Variants in C8A observed in about 807,000 individuals in gnomAD.
C8A encodes the protein complement C8 alpha chain.
In C8A, 67 loss-of-function variants were observed where a neutral mutation model predicts 65.3. The ratio of observed to expected loss-of-function variants is 1.03; its 90% CI spans 0.84 to 1.26. C8A has a LOEUF of 1.26. Ranked by LOEUF, C8A falls within the 50% of genes most tolerant of loss-of-function variation. The pLI is 0.00. For missense variants in C8A, 781 were observed against 723.9 expected, an observed-to-expected ratio of 1.08 and a Z score of -0.90; for synonymous variants, 290 against 259.4, an observed-to-expected ratio of 1.12 and a Z score of -1.13.
chr1:56,912,378 C>T (rs768825236), intron 9 of C8A, 25 bp from the exon 10 acceptor site: 13 of 1,605,928 alleles, frequency 8.1e-6, no homozygotes, highest in African/African-American at 4.0e-5. Context: ...CAGGGAGGGG[C>T]CCTGTGTTCT....
Position 56,907,999 on chromosome 1 carries a change from G to T in C8A, c.1266G>T (p.Arg422=). Residue 422 remains arginine (R), a synonymous_variant, in exon 9 of 11, where the codon CGG becomes CGT. Transcript: ENST00000361249. ...KAMAVEDIIS[R]VRGGSSGWSG... ...TGGCTGTGGAAGACATTATTTCTCG[G>T]GTGCGAGGTGGCAGTTCTGGCTGGA... is the stretch of plus-strand genomic sequence containing the variant. 2 of 1,614,160 alleles carry T rather than the reference G, an allele frequency of 1.2e-6. No individual in the cohort carries two copies. The highest frequency in any genetic ancestry group is 1.7e-6 in the Non-Finnish European group (2 of 1,180,012).
rs1643957181 is a variant in C8A, at chr1:56,854,820, C to A, written c.-82C>A. On this transcript the variant is annotated 5_prime_UTR_variant, in exon 1 of 11. In the 5' UTR this introduces an upstream ATG that the reference lacks. Coordinates refer to ENST00000361249, the MANE Select transcript of C8A (RefSeq NM_000562.3). ...TCAGATAGATCTTACAGGTCCCAGC[C>A]TGTAGACATCTTTTACTCCAATTTC... 2 of 1,173,348 alleles carry A rather than the reference C, an allele frequency of 1.7e-6. No individual in the cohort carries two copies. The highest frequency in any genetic ancestry group is 1.3e-5 in the South Asian group (1 of 77,290). The allele number at this position is 1,173,348 out of a possible 1,614,324, so 72.7% of individuals were successfully genotyped here. A position where few individuals can be genotyped will look rare whatever the true frequency, so the allele number is the denominator to read the frequency against.
chr1:56,859,719 G>A (rs1339415340), intron 1 of C8A, among the ~76,000 whole-genome samples: 2 of 152,000 alleles, frequency 1.3e-5, no homozygotes, highest in Admixed American at 1.3e-4. Flanking sequence ...AACACTCATA[G>A]GATTTACAGT....
chr1:56,876,312 T>A, intron 4 of C8A, 103 bp downstream of exon 4: 2 of 1,369,282 alleles, frequency 1.5e-6, no homozygotes, highest in Non-Finnish European at 2.1e-6. Flanking sequence ...AGGGTTCCTC[T>A]GGAGTGCATG....
At chr1:56,885,456 T>C (rs1570333668) in intron 6 of C8A, among the ~76,000 whole-genome samples, 1 of 95,318 alleles carries the variant, frequency 1.0e-5, no homozygotes, top group Non-Finnish European at 2.1e-5. Context: ...ATATATATAT[T>C]TCCGTAAATA....
At chr1:56,870,948 A>T (rs1312118841) in intron 2 of C8A, among the ~76,000 whole-genome samples, 1 of 152,148 alleles carries the variant, frequency 6.6e-6, no homozygotes, top group Non-Finnish European at 1.5e-5. Flanking sequence ...TGTCTTAATG[A>T]TCCCAACCAC....
At chr1:56,891,040 C>T (rs1325448881) in intron 7 of C8A, among the ~76,000 whole-genome samples, 5 of 151,776 alleles carry the variant, frequency 3.3e-5, no homozygotes, top group East Asian at 1.9e-4. Context: ...TATATAATCG[C>T]GAATTGTGAT....
chr1:56,885,380 T>A lies in C8A; in HGVS notation c.856-547T>A, dbSNP rs868832019. Among the ~76,000 whole-genome samples the A allele has an allele frequency of 6.6e-3, 623 of 94,564 alleles. 50 individuals carry two copies. The highest frequency in any genetic ancestry group is 0.026 in the East Asian group (59 of 2,292). 62.0% of individuals were successfully genotyped at this position (94,564 alleles called of 152,430 possible). A position where few individuals can be genotyped will look rare whatever the true frequency, so the allele number is the denominator to read the frequency against. On this transcript the variant is annotated intron_variant, in intron 6 of 10. Transcript: ENST00000361249. ...TATGTAAATATATATTTATATTTAT[T>A]TAAATATATATTTAAATAAATATAT... is the stretch of plus-strand genomic sequence containing the variant.
intron 7 of C8A, among the ~76,000 whole-genome samples, chr1:56,899,328 G>T (rs899424055): frequency 6.6e-6 from 1 of 152,134 alleles, no homozygotes; most frequent in African/African-American, 2.4e-5. Context: ...TCCCATAGGC[G>T]GTATAATATG....
chr1:56,872,514 T>C (rs1382800081), intron 2 of C8A, among the ~76,000 whole-genome samples: 1 of 151,872 alleles, frequency 6.6e-6, no homozygotes, highest in Non-Finnish European at 1.5e-5. Context: ...TCTATATGAG[T>C]TTAAAAGAAA....
At chr1:56,892,014 A>T (rs1644350154) in intron 7 of C8A, among the ~76,000 whole-genome samples, 1 of 152,082 alleles carries the variant, frequency 6.6e-6, no homozygotes, top group South Asian at 2.1e-4. Context: ...TGCACCACGA[A>T]TACTCATTGA....
At position 56,883,524 on chromosome 1, in the gene C8A, C is replaced by T. The variant is rs202001090; in HGVS notation, c.698C>T (p.Ala233Val). 9.3e-6 allele frequency: 15 copies of T among 1,613,608 alleles called. No individual in the cohort carries two copies. The highest frequency in any genetic ancestry group is 1.3e-5 in the Non-Finnish European group (15 of 1,179,854). Reference protein sequence around the residue: ...TGISSEFYDNANDLLSKVKKD... With the variant: ...TGISSEFYDNVNDLLSKVKKD... Reference sequence around the variant, plus strand: ...ATCTCCTCAGAGTTTTATGATAATGCAAATGACCTTCTTTCCAAAGTTAAA... The same window carrying T: ...ATCTCCTCAGAGTTTTATGATAATGTAAATGACCTTCTTTCCAAAGTTAAA... Residue 233 changes from alanine to valine, a missense_variant, in exon 6 of 11, where the codon GCA (alanine) becomes GTA (valine). Ala to Val is a moderately conservative substitution (Grantham distance 64, BLOSUM62 0). Coordinates refer to ENST00000361249, the MANE Select transcript of C8A (RefSeq NM_000562.3).
intron 9 of C8A, among the ~76,000 whole-genome samples, chr1:56,910,932 T>C (rs1644500424): frequency 6.6e-6 from 1 of 152,196 alleles, no homozygotes; most frequent in Admixed American, 6.5e-5. Flanking sequence ...TCACTTCCCC[T>C]TTGGGGGCCT....
chr1:56,901,395 TG>T (rs1213597384), intron 7 of C8A, among the ~76,000 whole-genome samples: 1 of 152,164 alleles, frequency 6.6e-6, no homozygotes, highest in African/African-American at 2.4e-5. Flanking sequence ...TCAAGCTGCC[TG>T]GTTCTGCCTG....
intron 1 of C8A, among the ~76,000 whole-genome samples, chr1:56,861,938 C>T (rs1474605680): frequency 6.6e-6 from 1 of 152,128 alleles, no homozygotes. Flanking sequence ...GCTGAAGAGG[C>T]CACATTCTGG....
Position 56,911,687 on chromosome 1 carries a change from T to G in C8A, c.1381-716T>G, listed in dbSNP as rs145932318. Among the ~76,000 whole-genome samples the G allele has an allele frequency of 8.4e-3, 1,275 of 152,326 alleles. 25 individuals carry two copies. Among genetic ancestry groups the G allele is most frequent in the African/African-American group, 0.029 (1,224 of 41,570 alleles). ...AATTATCCAACTTGATACGCAATAG[T>G]GCCGAAGTTGAAAAACCCTGAACTA... On this transcript the variant is annotated intron_variant, in intron 9 of 10. Transcript: ENST00000361249.
At position 56,912,469 on chromosome 1, in the gene C8A, C is replaced by G. The variant is rs759837668; in HGVS notation, c.1447C>G (p.Leu483Val). Residue 483 changes from leucine (L) to valine (V), a missense_variant, in exon 10 of 11, where the codon CTG becomes GTG. By Grantham distance (32) the Leu-to-Val change is conservative. Transcript: ENST00000361249. ...LGPLEAKRQN[L>V]RRALDQYLME... ...GCCTCTGGAGGCCAAGCGCCAGAACCTGCGCCGCGCCTTGGACCAGTATCT... is the reference window on the plus strand; with the variant it reads ...GCCTCTGGAGGCCAAGCGCCAGAACGTGCGCCGCGCCTTGGACCAGTATCT... The G allele has an allele frequency of 1.9e-6, 3 of 1,614,226 alleles. No individual in the cohort carries two copies. Among genetic ancestry groups the G allele is most frequent in the Non-Finnish European group, 2.5e-6 (3 of 1,180,026 alleles).
chr1:56,888,544 TATC>T (rs1295072991), intron 7 of C8A, among the ~76,000 whole-genome samples: 2 of 152,052 alleles, frequency 1.3e-5, no homozygotes, highest in Admixed American at 1.3e-4. Flanking sequence ...GAATAGAAAA[TATC>T]ATAGTGGATT....
Position 56,885,958 on chromosome 1 carries a change from T to G in C8A, c.887T>G (p.Val296Gly), listed in dbSNP as rs1360769802. ...KFIFTRIFTK[V>G]QTAHFKMRKD... Reference sequence around the variant, plus strand: ...ATTTTCACAAGAATCTTCACAAAGGTGCAGACTGCACATTTTAAGATGAGG... The same window carrying G: ...ATTTTCACAAGAATCTTCACAAAGGGGCAGACTGCACATTTTAAGATGAGG... Residue 296 changes from valine (V) to glycine (G), a missense_variant, in exon 7 of 11, where the codon GTG (valine) becomes GGG (glycine). Val to Gly is a moderately radical substitution (Grantham distance 109). Coordinates refer to ENST00000361249, the MANE Select transcript of C8A (RefSeq NM_000562.3). 1.2e-6 allele frequency: 2 copies of G among 1,613,972 alleles called. No individual in the cohort carries two copies. The highest frequency in any genetic ancestry group is 2.2e-5 in the South Asian group (2 of 91,084).
Sources: gnomAD v4.1 joint callset for allele counts (sites outside exome capture counted in the v4.1 genomes callset) on GRCh38, gnomAD v4.1.1 for gene constraint, MANE v1.5 for transcripts, NCBI Gene and HGNC (gene_info 2026-07-23, HGNC 2026-07-21) for gene names.